ZBTB48: variants seen among roughly 807,000 people sequenced by gnomAD.
The protein encoded by ZBTB48 is zinc finger and BTB domain containing 48, also known as zinc finger and BTB domain-containing protein 48.
Under a neutral mutation model 64.5 loss-of-function variants are expected in ZBTB48, and 35 were observed. The ratio of observed to expected loss-of-function variants is 0.54; its 90% CI spans 0.41 to 0.72. The LOEUF is 0.72. Among genes scored for constraint, ZBTB48 ranks in the 30% least tolerant of loss-of-function variants. ZBTB48 has a pLI of 0.00. For missense variants in ZBTB48, 828 were observed against 895.3 expected (o/e 0.92, Z 0.96); for synonymous variants, 442 against 356.7 (o/e 1.24, Z -2.70).
At chr1:6,588,702 C>A (rs1249450074) in intron 9 of ZBTB48, 54 bp from the exon 10 acceptor site, 7 of 1,611,802 alleles carry the variant, frequency 4.3e-6, no homozygotes, top group Non-Finnish European at 5.9e-6. Context: ...GCTGGGTTTC[C>A]TCGAGGGTCC....
Position 6,587,289 on chromosome 1 carries a change from G to A in ZBTB48, c.1222G>A (p.Ala408Thr), listed in dbSNP as rs374198230. 19 of 1,613,958 alleles carry A rather than the reference G, an allele frequency of 1.2e-5. No homozygotes were observed. Among genetic ancestry groups the A allele is most frequent in the Non-Finnish European group, 1.6e-5 (19 of 1,180,032 alleles). ...IKLHGAPKPH[A>T]CPTCAKCFLS... The stretch of plus-strand genomic sequence containing the variant: ...ACTTCATGGAGCCCCCAAGCCCCAT[G>A]CAGTAAGTGACAGGGAGGGCTGGGC... The change falls in exon 6 of 11, where the codon GCA becomes ACA. Residue 408 changes from alanine to threonine, a missense_variant and splice_region_variant. Transcript: ENST00000377674.
At position 6,586,755 on chromosome 1, in the gene ZBTB48, A is replaced by G. The variant is rs148661619; in HGVS notation, c.1105A>G (p.Met369Val). The part of the protein sequence containing the change: ...FRRRMELRVH[M>V]VSHTGEMPYK... Reference sequence around the variant, plus strand: ...CCGAAGGATGGAGCTGCGGGTGCACATGGTGTCTCACACAGGGGAGATGCC... The same window carrying G: ...CCGAAGGATGGAGCTGCGGGTGCACGTGGTGTCTCACACAGGGGAGATGCC... Residue 369 changes from methionine to valine, a missense_variant, in exon 5 of 11, where the codon ATG (methionine) becomes GTG (valine). Physicochemically the swap from Met to Val is conservative, Grantham distance 21 (BLOSUM62 1). Coordinates refer to ENST00000377674, the MANE Select transcript of ZBTB48 (RefSeq NM_005341.4). 2.0e-4 allele frequency: 316 copies of G among 1,600,354 alleles called. 3 individuals carry two copies. In the East Asian group the frequency reaches 6.8e-3, roughly 35 times the overall value.
chr1:6,588,740 G>T lies in ZBTB48; in HGVS notation c.1682-16G>T. 6.2e-7 allele frequency: 1 copy of T among 1,613,912 alleles called. No individual in the cohort carries two copies. The highest frequency in any genetic ancestry group is 8.5e-7 in the Non-Finnish European group (1 of 1,180,030). On this transcript the variant is annotated splice_polypyrimidine_tract_variant and intron_variant, in intron 9 of 10. Coordinates refer to ENST00000377674, the MANE Select transcript of ZBTB48 (RefSeq NM_005341.4). ...GGGCTCCTGCATGATCCCCCACGGT[G>T]TTCTCCCTCTTGCAGCCGTGGAGCA...
rs937773240 is a variant in ZBTB48, at chr1:6,588,260, C to T, written c.1517-18C>T. 2 of 1,609,196 alleles carry T rather than the reference C, an allele frequency of 1.2e-6. No homozygotes were observed. The highest frequency in any genetic ancestry group is 1.3e-5 in the African/African-American group (1 of 74,954). ...TGAGGCCAAGGCCACAGGCTGAGCTCTTGCCTTGTGCCTGCAGCCAGCCTG... is the reference window on the plus strand; with the variant it reads ...TGAGGCCAAGGCCACAGGCTGAGCTTTTGCCTTGTGCCTGCAGCCAGCCTG... On this transcript the variant is annotated intron_variant, in intron 8 of 10. Coordinates refer to ENST00000377674, the MANE Select transcript of ZBTB48 (RefSeq NM_005341.4).
chr1:6,588,426 C>T lies in ZBTB48; in HGVS notation c.1665C>T (p.Cys555=), dbSNP rs201456072. 3.1e-5 allele frequency: 48 copies of T among 1,549,178 alleles called. No homozygotes were observed. The highest frequency in any genetic ancestry group is 2.4e-4 in the Admixed American group (12 of 50,726). The change falls in exon 9 of 11, where the codon TGC becomes TGT. Residue 555 remains cysteine, a synonymous_variant. Coordinates refer to ENST00000377674, the MANE Select transcript of ZBTB48 (RefSeq NM_005341.4). ...QEGRPHFCQI[C]GKTFKAVEQL... is the part of the protein sequence containing the mutation. ...GCCGGCCCCACTTCTGCCAGATATG[C>T]GGCAAGACCTTCAAAGGTACCTGGG...
chr1:6,588,175 G>T lies in ZBTB48; in HGVS notation c.1495G>T (p.Gly499Cys). The change falls in exon 8 of 11, where the codon GGC becomes TGC. Residue 499 changes from glycine to cysteine, a missense_variant. Gly to Cys is a radical substitution (Grantham distance 159, BLOSUM62 -3). Transcript: ENST00000377674. ...GAAGCCCTTCCAGTGCCACCTCTGTGGCAAGACCTTCCGAACCCAAGGTGA... is the reference window on the plus strand; with the variant it reads ...GAAGCCCTTCCAGTGCCACCTCTGTTGCAAGACCTTCCGAACCCAAGGTGA... ...GEKPFQCHLC[G>C]KTFRTQASLD... 1 of 1,614,088 alleles carries T rather than the reference G, an allele frequency of 6.2e-7. No individual in the cohort carries two copies.
rs2148696310 is a variant in ZBTB48 at position 6,588,445 on chromosome 1, A to G, written c.1681+3A>G. On this transcript the variant is annotated splice_donor_region_variant and intron_variant, in intron 9 of 10. Transcript: ENST00000377674. Reference sequence around the variant, plus strand: ...GATATGCGGCAAGACCTTCAAAGGTACCTGGGCGGCCCTGGGAGAGCCATT... The same window carrying G: ...GATATGCGGCAAGACCTTCAAAGGTGCCTGGGCGGCCCTGGGAGAGCCATT... 6.6e-7 allele frequency: 1 copy of G among 1,519,570 alleles called. No homozygotes were observed. Among genetic ancestry groups the G allele is most frequent in the South Asian group, 1.3e-5 (1 of 77,874 alleles). 94.1% of individuals were successfully genotyped at this position (1,519,570 alleles called of 1,614,324 possible). A position where few individuals can be genotyped will look rare whatever the true frequency, so the allele number is the denominator to read the frequency against.
chr1:6,589,088 A>G lies in ZBTB48; in HGVS notation c.1943A>G (p.Gln648Arg). 2 of 1,608,338 alleles carry G rather than the reference A, an allele frequency of 1.2e-6. No individual in the cohort carries two copies. Among genetic ancestry groups the G allele is most frequent in the Non-Finnish European group, 1.7e-6 (2 of 1,178,008 alleles). The change falls in exon 11 of 11, where the codon CAG (glutamine) becomes CGG (arginine). Residue 648 changes from glutamine (Q) to arginine (R), a missense_variant. Gln to Arg is a conservative substitution (Grantham distance 43). Transcript: ENST00000377674. ...GAGGTCATTGTGGAGTCCCTGGCCCAGGGCGGCCTGGCCTCCCAGCTCCCC... is the reference window on the plus strand; with the variant it reads ...GAGGTCATTGTGGAGTCCCTGGCCCGGGGCGGCCTGGCCTCCCAGCTCCCC... The part of the protein sequence containing the change: ...SAEVIVESLA[Q>R]GGLASQLPGQ...
chr1:6,588,216 T>TCC lies in ZBTB48; in HGVS notation c.1516+23_1516+24dup. ...CCCAAGGTGAGGTACGCCCTGCCCC[T>TCC]CCCCTCGCCTCCCCATCCTGAGGCC... On this transcript the variant is annotated intron_variant, in intron 8 of 10. Coordinates refer to ENST00000377674, the MANE Select transcript of ZBTB48 (RefSeq NM_005341.4). 1 of 1,613,078 alleles carries TCC rather than the reference T, an allele frequency of 6.2e-7. No homozygotes were observed. Among genetic ancestry groups the TCC allele is most frequent in the South Asian group, 1.1e-5 (1 of 91,040 alleles).
rs771078858 is a variant in ZBTB48 at position 6,587,968 on chromosome 1, C to T, written c.1380-92C>T. ...GCCCCTTTCCTAGCACTGCCCAAGC[C>T]CTCTTTCCACCAGGCATGCTCCTAG... On this transcript the variant is annotated intron_variant, in intron 7 of 10. Coordinates refer to ENST00000377674, the MANE Select transcript of ZBTB48 (RefSeq NM_005341.4). 652 of 1,541,548 alleles carry T rather than the reference C, an allele frequency of 4.2e-4. 2 individuals carry two copies. The highest frequency in any genetic ancestry group is 4.8e-4 in the Non-Finnish European group (542 of 1,136,914).
rs1640570878 is a variant in ZBTB48, at chr1:6,583,999, G to C, written c.932+1700G>C. 2.0e-5 allele frequency among the ~76,000 whole-genome samples: 3 copies of C among 151,726 alleles called. No individual in the cohort carries two copies. The South Asian group carries it at 6.2e-4, about 32-fold the overall frequency. On this transcript the variant is annotated intron_variant, in intron 3 of 10. Transcript: ENST00000377674. The stretch of plus-strand genomic sequence containing the variant: ...GGGTTTCAGCATGTTGGTCAGGCTG[G>C]TTTCGAACTCCTGACCTTGTGATCC...
intron 3 of ZBTB48, among the ~76,000 whole-genome samples, chr1:6,585,028 AGTAGAC>A (rs1640607735): frequency 6.6e-6 from 1 of 152,202 alleles, no homozygotes; most frequent in African/African-American, 2.4e-5. Context: ...ATCTGCCTGC[AGTAGAC>A]GGTGAGGAAG....
At chr1:6,585,072 G>A (rs982183321) in intron 3 of ZBTB48, among the ~76,000 whole-genome samples, 2 of 152,270 alleles carry the variant, frequency 1.3e-5, no homozygotes, top group Non-Finnish European at 2.9e-5. Context: ...AAGCAGAGGC[G>A]GGCCAAGGGG....
chr1:6,586,046 C>T lies in ZBTB48; in HGVS notation c.1044+16C>T, dbSNP rs771108359. 1.9e-6 allele frequency: 3 copies of T among 1,613,162 alleles called. No individual in the cohort carries two copies. In the South Asian group the frequency reaches 3.3e-5, roughly 18 times the overall value. On this transcript the variant is annotated intron_variant, in intron 4 of 10. Coordinates refer to ENST00000377674, the MANE Select transcript of ZBTB48 (RefSeq NM_005341.4). ...CTCGGAACAGGTACTTGGGAGCTGG[C>T]CCAGGTACTTGTGGGCAGGGCACAC...
chr1:6,581,013 C>T lies in ZBTB48; in HGVS notation c.404C>T (p.Ser135Phe), dbSNP rs1201919964. ...GGQSGLGPPA[S>F]QNVNSHVKEP... ...CAGAGTGGGCTGGGGCCCCCTGCCT[C>T]CCAGAATGTGAACAGCCACGTCAAG... Residue 135 changes from serine to phenylalanine, a missense_variant, in exon 2 of 11, where the codon TCC becomes TTC. Ser to Phe is a radical substitution (Grantham distance 155). Transcript: ENST00000377674. 1.9e-6 allele frequency: 3 copies of T among 1,613,408 alleles called. No homozygotes were observed. The highest frequency in any genetic ancestry group is 1.7e-5 in the Admixed American group (1 of 60,014).
chr1:6,585,902 G>C lies in ZBTB48; in HGVS notation c.933-17G>C. On this transcript the variant is annotated splice_polypyrimidine_tract_variant and intron_variant, in intron 3 of 10. Transcript: ENST00000377674. Reference sequence around the variant, plus strand: ...AAACCCTCTCAGCCCCCCCACCCCTGTGGCTTCTCCTGGCAGGAAACATAC... The same window carrying C: ...AAACCCTCTCAGCCCCCCCACCCCTCTGGCTTCTCCTGGCAGGAAACATAC... 6.2e-7 allele frequency: 1 copy of C among 1,613,308 alleles called. No individual in the cohort carries two copies. Among genetic ancestry groups the C allele is most frequent in the African/African-American group, 1.3e-5 (1 of 75,020 alleles).
chr1:6,587,611 T>G lies in ZBTB48; in HGVS notation c.1358T>G (p.Met453Arg), dbSNP rs1278392146. The G allele has an allele frequency of 6.2e-7, 1 of 1,613,340 alleles. No individual in the cohort carries two copies. Among genetic ancestry groups the G allele is most frequent in the African/African-American group, 1.3e-5 (1 of 74,912 alleles). Reference sequence around the variant, plus strand: ...GCCTCGAGCCGGAATGGCCTGCAGATGCACATCAAGGCCAAGCACAGGTGC... The same window carrying G: ...GCCTCGAGCCGGAATGGCCTGCAGAGGCACATCAAGGCCAAGCACAGGTGC... Reference protein sequence around the residue: ...HRASSRNGLQMHIKAKHRNER... With the variant: ...HRASSRNGLQRHIKAKHRNER... Residue 453 changes from methionine (M) to arginine (R), a missense_variant, in exon 7 of 11, where the codon ATG (methionine) becomes AGG (arginine). Physicochemically the swap from Met to Arg is moderately conservative, Grantham distance 91. Coordinates refer to ENST00000377674, the MANE Select transcript of ZBTB48 (RefSeq NM_005341.4).
chr1:6,587,312 G>A (rs1292034094), intron 6 of ZBTB48, 21 bp downstream of exon 6: 1 of 1,613,978 alleles, frequency 6.2e-7, no homozygotes, highest in Non-Finnish European at 8.5e-7. Context: ...GGGAGGGCTG[G>A]GCATGCTTTG....
Position 6,580,822 on chromosome 1 carries a change from G to C in ZBTB48, c.213G>C (p.Glu71Asp). The C allele has an allele frequency of 6.2e-7, 1 of 1,614,236 alleles. No individual in the cohort carries two copies. The highest frequency in any genetic ancestry group is 1.3e-5 in the African/African-American group (1 of 75,070). The part of the protein sequence containing the change: ...GSVVLPAGFA[E>D]IFGLLLDFFY... ...TCGTCCTCCCTGCTGGCTTCGCTGA[G>C]ATCTTTGGCCTCTTGTTGGACTTTT... The change falls in exon 2 of 11, where the codon GAG becomes GAC. Residue 71 changes from glutamate to aspartate, a missense_variant. By Grantham distance (45) the Glu-to-Asp change is conservative. Transcript: ENST00000377674. This position sits in a 1 kb window ranked among gnomAD's most constrained non-coding sequence, Gnocchi z 5.2.
Sources: allele counts gnomAD v4.1 joint callset (sites outside exome capture counted in the v4.1 genomes callset), GRCh38; gene constraint gnomAD v4.1.1; non-coding constraint Gnocchi (gnomAD v3.1); transcripts MANE v1.5; gene names NCBI Gene and HGNC (gene_info 2026-07-23, HGNC 2026-07-21).